The following TMEM255A variants were observed in gnomAD, a reference collection of about 807,000 sequenced individuals.
TMEM255A encodes the protein transmembrane protein 255A, also known as family with sequence similarity 70, member A.
In TMEM255A, 14 loss-of-function variants were observed where a neutral mutation model predicts 23.5. That is an observed-to-expected ratio of 0.60 (90% CI 0.39 to 0.93). The LOEUF (loss-of-function observed/expected upper bound fraction) is 0.93. Ranked by LOEUF, TMEM255A falls within the 40% of genes least tolerant of loss-of-function variation. The pLI, the probability that TMEM255A is intolerant of heterozygous loss-of-function variation, is 0.00. For synonymous variants in TMEM255A, 104 were observed against 100.3 expected, an observed-to-expected ratio of 1.04 and a Z score of -0.22; for missense variants, 233 against 261.7, an observed-to-expected ratio of 0.89 and a Z score of 0.76.
chrX:120,266,652 A>G (rs1000598945), intron 8 of TMEM255A, among the ~76,000 whole-genome samples: 3 of 112,621 alleles, frequency 2.7e-5, no homozygotes, highest in Non-Finnish European at 5.6e-5. Flanking sequence ...ATTTACTTTG[A>G]TATAAAAGTA....
chrX:120,253,973 C>T (rs201211344), downstream of TMEM255A: 11 of 1,150,906 alleles, frequency 9.6e-6, no homozygotes, highest in East Asian at 1.2e-4. Context: ...TCATTGTTAC[C>T]GATTCTGATG....
At chrX:120,280,796 C>T (rs1233362034) in intron 6 of TMEM255A, among the ~76,000 whole-genome samples, 28 of 111,634 alleles carry the variant, frequency 2.5e-4, no homozygotes, top group African/African-American at 8.5e-4. Flanking sequence ...CTGGAGTCCA[C>T]AGAAGCCCCA....
At chrX:120,268,203 A>C in intron 8 of TMEM255A, 41 bp downstream of exon 8, 1 of 1,173,190 alleles carries the variant, frequency 8.5e-7, no homozygotes, top group Non-Finnish European at 1.1e-6. Flanking sequence ...CATGAGTGAG[A>C]ACAAGGGTAA....
At chrX:120,269,143 C>G (rs1411291437) in intron 7 of TMEM255A, among the ~76,000 whole-genome samples, 1 of 103,885 alleles carries the variant, frequency 9.6e-6, no homozygotes, top group East Asian at 3.0e-4. Context: ...TTTTTTTTTG[C>G]AAATAAAACG....
intron 7 of TMEM255A, among the ~76,000 whole-genome samples, chrX:120,271,413 C>T (rs1556018766): frequency 8.9e-6 from 1 of 111,791 alleles, no homozygotes; most frequent in Non-Finnish European, 1.9e-5. Context: ...ATACCTACCT[C>T]ACAAAGTAGT....
intron 2 of TMEM255A, among the ~76,000 whole-genome samples, chrX:120,298,952 C>T (rs1556025432): frequency 9.1e-6 from 1 of 110,078 alleles, no homozygotes; most frequent in Non-Finnish European, 1.9e-5. Flanking sequence ...TATGACGGCC[C>T]CAAGGCAGAA....
At chrX:120,295,368 A>C (rs2057947496) in intron 2 of TMEM255A, among the ~76,000 whole-genome samples, 1 of 110,925 alleles carries the variant, frequency 9.0e-6, no homozygotes, top group Admixed American at 9.7e-5. Context: ...GCTGGGCAGG[A>C]GCTTGGTAGG....
At chrX:120,274,685 C>T (rs1007916508) in intron 7 of TMEM255A, among the ~76,000 whole-genome samples, 9 of 112,162 alleles carry the variant, frequency 8.0e-5, no homozygotes, top group African/African-American at 2.9e-4. Context: ...AAAGTATAAA[C>T]ACCTCTGTGG....
chrX:120,300,450 C>T (rs782473720), intron 2 of TMEM255A, among the ~76,000 whole-genome samples: 20 of 109,830 alleles, frequency 1.8e-4, no homozygotes, highest in East Asian at 2.9e-4. Flanking sequence ...TGAAGTGGCG[C>T]GATCTCAGCT....
In TMEM255A at chrX:120,284,536, G is replaced by GCACA. The variant is rs199505538; in HGVS notation, c.512+587_512+590dup. Among the ~76,000 whole-genome samples, 709 of 104,755 alleles carry GCACA rather than the reference G, an allele frequency of 6.8e-3. 4 individuals carry two copies. Among genetic ancestry groups the GCACA allele is most frequent in the African/African-American group, 0.024 (677 of 28,633 alleles). 91.0% of individuals were successfully genotyped at this position (104,755 alleles called of 115,157 possible). On this transcript the variant is annotated intron_variant, in intron 6 of 8. Transcript: ENST00000371369. The stretch of plus-strand genomic sequence containing the variant: ...AGTGTGCGTGCATGTGCACGTGCAC[G>GCACA]CACACACACACACACACACACCCCT...
intron 8 of TMEM255A, among the ~76,000 whole-genome samples, chrX:120,261,642 G>C (rs2057681311): frequency 1.8e-5 from 2 of 112,119 alleles, no homozygotes; most frequent in Admixed American, 1.9e-4. Flanking sequence ...GAGTAGGTTG[G>C]AGAGCAAAGA....
Position 120,260,748 on chromosome X carries a change from T to G in TMEM255A, c.*122A>C. ...GCTTCGTCCCTATCTTTCCCTAGCC[T>G]GGCAGGCCATTGTAAAACTTTATGC... On this transcript the variant is annotated 3_prime_UTR_variant, in exon 9 of 9. Transcript: ENST00000371369. 1.0e-6 allele frequency: 1 copy of G among 963,979 alleles called. No individual in the cohort carries two copies. The allele number at this position is 963,979 out of a possible 1,213,427, so 79.4% of individuals were successfully genotyped here.
chrX:120,288,710 T>C (rs1201010536), intron 4 of TMEM255A, among the ~76,000 whole-genome samples: 2 of 112,406 alleles, frequency 1.8e-5, no homozygotes, highest in Non-Finnish European at 3.8e-5. Flanking sequence ...GGCTACCAAC[T>C]ATGGCATGAA....
intron 7 of TMEM255A, among the ~76,000 whole-genome samples, chrX:120,269,710 G>A (rs905160752): frequency 8.9e-6 from 1 of 111,756 alleles, no homozygotes; most frequent in Admixed American, 9.5e-5. Context: ...ATGTGTGAAA[G>A]AGGGCTGAGA....
intron 6 of TMEM255A, among the ~76,000 whole-genome samples, chrX:120,284,534 A>ACGCG (rs1241698670): frequency 5.9e-5 from 6 of 102,046 alleles, no homozygotes; most frequent in African/African-American, 2.6e-4. Context: ...GTGCACGTGC[A>ACGCG]CGCACACACA....
chrX:120,305,239 G>T (rs1346460772), intron 1 of TMEM255A, among the ~76,000 whole-genome samples: 1 of 111,636 alleles, frequency 9.0e-6, no homozygotes, highest in Non-Finnish European at 1.9e-5. Context: ...AGACATGATA[G>T]TGCAAACCAA....
intron 2 of TMEM255A, among the ~76,000 whole-genome samples, chrX:120,296,380 CTCTAT>C (rs5903573): frequency 0.015 from 1,146 of 74,060 alleles, 13 homozygotes; most frequent in Middle Eastern, 0.044. Context: ...TCCCCTTCTC[CTCTAT>C]TCTATTCTAT....
At chrX:120,285,712 T>C in intron 5 of TMEM255A, 1 of 1,209,380 alleles carries the variant, frequency 8.3e-7, no homozygotes, top group Non-Finnish European at 1.1e-6. Context: ...GTAGGAAAAA[T>C]AGGGTTAGGG....
downstream of TMEM255A, chrX:120,255,926 C>G (rs573793410): frequency 8.0e-6 from 1 of 124,537 alleles, no homozygotes; most frequent in Non-Finnish European, 1.8e-5. Context: ...TAAGTCAGTA[C>G]TTGGGTTGTG....
Sources: allele counts gnomAD v4.1 joint callset (sites outside exome capture counted in the v4.1 genomes callset), GRCh38; gene constraint gnomAD v4.1.1; transcripts MANE v1.5; gene names NCBI Gene and HGNC (gene_info 2026-07-23, HGNC 2026-07-21).